RALGPS1: variants seen among roughly 807,000 people sequenced by gnomAD.
The protein encoded by RALGPS1 is ras-specific guanine nucleotide-releasing factor RalGPS1.
Under a neutral mutation model 78.8 loss-of-function variants are expected in RALGPS1, and 19 were observed. The observed-to-expected ratio is 0.24, with a 90% CI of 0.17 to 0.35. The LOEUF (loss-of-function observed/expected upper bound fraction) is 0.35. RALGPS1 is among the 10% of genes least tolerant of loss of function. The pLI is 1.00. For synonymous variants in RALGPS1, 228 were observed against 256.3 expected (o/e 0.89, Z 1.06); for missense variants, 454 against 688.3 (o/e 0.66, Z 3.81).
chr9:126,951,050 A>G (rs2037766888), intron 1 of RALGPS1, among the ~76,000 whole-genome samples: 1 of 152,252 alleles, frequency 6.6e-6, no homozygotes, highest in Non-Finnish European at 1.5e-5. Flanking sequence ...CTCTATGCAA[A>G]TAAACTAGAA....
chr9:126,956,205 C>A, intron 1 of RALGPS1, among the ~76,000 whole-genome samples: 1 of 152,032 alleles, frequency 6.6e-6, no homozygotes, highest in Middle Eastern at 3.4e-3. Context: ...GCACAGTTCC[C>A]TATCTTCAGG....
rs1588623840 is a variant in RALGPS1 at position 127,217,485 on chromosome 9, T to G, written c.1645-1255T>G. The G allele has an allele frequency of 3.1e-6, 3 of 963,050 alleles. No homozygotes were observed. The Admixed American group carries it at 1.8e-4, about 59-fold the overall frequency. The allele number at this position is 963,050 out of a possible 1,614,324, so 59.7% of individuals were successfully genotyped here. A position where few individuals can be genotyped will look rare whatever the true frequency, so the allele number is the denominator to read the frequency against. On this transcript the variant is annotated intron_variant, in intron 18 of 18. Transcript: ENST00000259351. ...GTGACTAGAGTGATTTTCTGTTCTGTGGAACTGCATGTCCTAAACTTGTTT... is the reference window on the plus strand; with the variant it reads ...GTGACTAGAGTGATTTTCTGTTCTGGGGAACTGCATGTCCTAAACTTGTTT...
chr9:127,057,278 G>A (rs973899698), intron 7 of RALGPS1, among the ~76,000 whole-genome samples: 4 of 152,240 alleles, frequency 2.6e-5, no homozygotes, highest in Admixed American at 6.5e-5. Context: ...AGGGCCTGGG[G>A]ACAGGGCAGG....
chr9:127,037,121 G>T (rs1012627490), intron 5 of RALGPS1, among the ~76,000 whole-genome samples: 1 of 152,214 alleles, frequency 6.6e-6, no homozygotes, highest in African/African-American at 2.4e-5. Flanking sequence ...CAAGAATCAT[G>T]AATATAAACG....
chr9:127,055,444 C>T (rs2048663829), intron 7 of RALGPS1, among the ~76,000 whole-genome samples: 1 of 152,214 alleles, frequency 6.6e-6, no homozygotes, highest in Admixed American at 6.5e-5. Flanking sequence ...TCTCAAACTT[C>T]TGGGCTCAAG....
chr9:127,133,180 G>A (rs1434162017), intron 8 of RALGPS1, among the ~76,000 whole-genome samples: 1 of 152,244 alleles, frequency 6.6e-6, no homozygotes, highest in African/African-American at 2.4e-5. Flanking sequence ...AGAGAGCGGC[G>A]TGGCCCCATG....
intron 2 of RALGPS1, among the ~76,000 whole-genome samples, chr9:126,964,304 G>A (rs1301571181): frequency 6.6e-6 from 1 of 151,038 alleles, no homozygotes; most frequent in East Asian, 1.9e-4. Context: ...AGCATGTGGA[G>A]GTTGCAGTGA....
intron 10 of RALGPS1, among the ~76,000 whole-genome samples, chr9:127,173,447 A>G (rs2059668632): frequency 6.6e-6 from 1 of 152,020 alleles, no homozygotes; most frequent in African/African-American, 2.4e-5. Context: ...CTTAACTCTA[A>G]TTCTTTGAAG....
At chr9:127,002,350 TA>T (rs1229061895) in intron 4 of RALGPS1, among the ~76,000 whole-genome samples, 3 of 152,128 alleles carry the variant, frequency 2.0e-5, no homozygotes, top group Admixed American at 2.0e-4. Context: ...GAGTAGATCA[TA>T]TTTTATTTAT....
intron 4 of RALGPS1, among the ~76,000 whole-genome samples, chr9:126,999,594 A>G (rs1328792247): frequency 6.6e-6 from 1 of 152,156 alleles, no homozygotes; most frequent in Non-Finnish European, 1.5e-5. Context: ...GCCTTTTCAG[A>G]TTGGCTTCTT....
intron 4 of RALGPS1, among the ~76,000 whole-genome samples, chr9:127,031,000 T>C (rs1390332916): frequency 1.3e-4 from 20 of 152,134 alleles, no homozygotes; most frequent in Admixed American, 1.3e-3. Flanking sequence ...TCCAGTCAGC[T>C]CAGCCACGTA....
intron 1 of RALGPS1, among the ~76,000 whole-genome samples, chr9:126,950,357 A>C (rs1320220808): frequency 1.3e-5 from 2 of 152,214 alleles, no homozygotes; most frequent in Admixed American, 1.3e-4. Context: ...GAAGAAAGTC[A>C]TTGGTAGCTT....
At chr9:126,937,824 G>A (rs2036403391) in intron 1 of RALGPS1, among the ~76,000 whole-genome samples, 1 of 152,210 alleles carries the variant, frequency 6.6e-6, no homozygotes, top group Non-Finnish European at 1.5e-5. Flanking sequence ...CTTGGCTAAA[G>A]ATGGGAGCTA....
intron 1 of RALGPS1, among the ~76,000 whole-genome samples, chr9:126,950,854 C>T (rs1418711220): frequency 6.6e-6 from 1 of 151,302 alleles, no homozygotes; most frequent in Non-Finnish European, 1.5e-5. Context: ...AAAAAAAACC[C>T]TTCAAAAAAT....
At chr9:127,187,169 G>A (rs2060703921) in intron 11 of RALGPS1, among the ~76,000 whole-genome samples, 1 of 152,210 alleles carries the variant, frequency 6.6e-6, no homozygotes, top group African/African-American at 2.4e-5. Context: ...GGACTTGGAA[G>A]TGTTTACTCA....
At chr9:127,196,387 A>G (rs758164820) in intron 12 of RALGPS1, 87 bp from the exon 13 acceptor site, 29 of 1,473,570 alleles carry the variant, frequency 2.0e-5, no homozygotes, top group Non-Finnish European at 2.6e-5. Flanking sequence ...CTGCAGCTGC[A>G]CCATCTGCTC....
At chr9:127,080,639 C>T (rs1659343329) in intron 8 of RALGPS1, among the ~76,000 whole-genome samples, 2 of 152,222 alleles carry the variant, frequency 1.3e-5, no homozygotes, top group South Asian at 4.1e-4. Context: ...TTGACACCCA[C>T]AGATGTATGG....
chr9:127,062,593 TAGTC>T (rs1471410230), intron 7 of RALGPS1, among the ~76,000 whole-genome samples: 1 of 152,198 alleles, frequency 6.6e-6, no homozygotes, highest in Non-Finnish European at 1.5e-5. Flanking sequence ...GGTATGAAAT[TAGTC>T]AGTATTCCCA....
At chr9:127,008,233 A>G (rs2044030821) in intron 4 of RALGPS1, among the ~76,000 whole-genome samples, 1 of 152,100 alleles carries the variant, frequency 6.6e-6, no homozygotes, top group Non-Finnish European at 1.5e-5. Context: ...TGATACCTGC[A>G]TGAGGTATCC....
Sources: gnomAD v4.1 joint callset for allele counts (sites outside exome capture counted in the v4.1 genomes callset) on GRCh38, gnomAD v4.1.1 for gene constraint, MANE v1.5 for transcripts, NCBI Gene and HGNC (gene_info 2026-07-23, HGNC 2026-07-21) for gene names.